MAP3K5: variants seen among roughly 807,000 people sequenced by gnomAD.
MAP3K5 encodes mitogen-activated protein kinase kinase kinase 5, also known as ASK-1.
Under a neutral mutation model 158.7 loss-of-function variants are expected in MAP3K5, and 56 were observed. That is an observed-to-expected ratio of 0.35 (90% CI 0.28 to 0.44). The LOEUF (loss-of-function observed/expected upper bound fraction) is 0.44, where lower values mean the gene tolerates loss of function less well. Among genes scored for constraint, MAP3K5 ranks in the 20% least tolerant of loss-of-function variants. The pLI is 1.00. For missense variants in MAP3K5, 1,294 were observed against 1,674.8 expected, an observed-to-expected ratio of 0.77 and a Z score of 3.97; for synonymous variants, 579 against 601.7, an observed-to-expected ratio of 0.96 and a Z score of 0.55.
intron 14 of MAP3K5, among the ~76,000 whole-genome samples, chr6:136,625,226 T>C (rs1021619497): frequency 2.6e-5 from 4 of 152,324 alleles, no homozygotes; most frequent in African/African-American, 4.8e-5. Flanking sequence ...AATTCTGCCA[T>C]TGTGATGTGA....
At chr6:136,623,867 C>A (rs1410986291) in intron 14 of MAP3K5, among the ~76,000 whole-genome samples, 1 of 152,270 alleles carries the variant, frequency 6.6e-6, no homozygotes, top group Middle Eastern at 3.4e-3. Flanking sequence ...GTTAGATTCA[C>A]CTCACAGCAG....
intron 1 of MAP3K5, among the ~76,000 whole-genome samples, chr6:136,748,485 G>A (rs886611528): frequency 6.6e-6 from 1 of 152,128 alleles, no homozygotes; most frequent in African/African-American, 2.4e-5. Context: ...ACACAAATAT[G>A]TATTTGTTCA....
At chr6:136,563,785 T>C (rs575553150) in intron 26 of MAP3K5, among the ~76,000 whole-genome samples, 94 of 152,342 alleles carry the variant, frequency 6.2e-4, no homozygotes, top group African/African-American at 2.1e-3. Flanking sequence ...TAAGTTGGAT[T>C]CAGAAATAAT....
intron 9 of MAP3K5, among the ~76,000 whole-genome samples, chr6:136,656,720 G>A (rs1220156661): frequency 2.6e-5 from 4 of 151,970 alleles, no homozygotes; most frequent in Admixed American, 2.6e-4. Context: ...CGCCTGCCGG[G>A]TTCATGCCAT....
intron 18 of MAP3K5, among the ~76,000 whole-genome samples, chr6:136,608,907 C>T (rs1182843448): frequency 2.0e-5 from 3 of 152,184 alleles, no homozygotes; most frequent in African/African-American, 7.2e-5. Context: ...CTGGGACTAA[C>T]CCACCTGGGA....
At chr6:136,746,803 C>T (rs1001872825) in intron 1 of MAP3K5, among the ~76,000 whole-genome samples, 1 of 152,188 alleles carries the variant, frequency 6.6e-6, no homozygotes, top group Non-Finnish European at 1.5e-5. Flanking sequence ...GTTTGAACAC[C>T]GTCTGTGCTC....
intron 1 of MAP3K5, among the ~76,000 whole-genome samples, chr6:136,784,609 G>A (rs1043768894): frequency 1.1e-4 from 17 of 152,152 alleles, no homozygotes; most frequent in East Asian, 1.9e-4. Context: ...ACTAAGGTTC[G>A]TTTCTCACGT....
intron 1 of MAP3K5, among the ~76,000 whole-genome samples, chr6:136,786,930 G>A (rs1784874917): frequency 6.6e-6 from 1 of 150,566 alleles, no homozygotes; most frequent in Non-Finnish European, 1.5e-5. Flanking sequence ...TCAACCTCCC[G>A]AGTAGCTGGG....
intron 25 of MAP3K5, among the ~76,000 whole-genome samples, chr6:136,568,425 G>C (rs1240182783): frequency 6.6e-6 from 1 of 152,196 alleles, no homozygotes; most frequent in Non-Finnish European, 1.5e-5. Context: ...ACTCACATTA[G>C]TAAGACTATC....
At chr6:136,627,620 C>G (rs1777102335) in intron 14 of MAP3K5, among the ~76,000 whole-genome samples, 1 of 152,034 alleles carries the variant, frequency 6.6e-6, no homozygotes, top group Non-Finnish European at 1.5e-5. Flanking sequence ...GGGATTAGTC[C>G]CCTTATGAAA....
chr6:136,592,775 C>G (rs773525009), intron 21 of MAP3K5, 161 bp from the exon 22 acceptor site: 9 of 732,838 alleles, frequency 1.2e-5, no homozygotes, highest in Non-Finnish European at 1.7e-5. Flanking sequence ...ATGACTGCCT[C>G]CCTTGCTCAG....
At chr6:136,623,502 G>A (rs569048197) in intron 14 of MAP3K5, among the ~76,000 whole-genome samples, 16 of 152,216 alleles carry the variant, frequency 1.1e-4, no homozygotes, top group African/African-American at 2.9e-4. Context: ...ACTCCCCACC[G>A]TTTCCCCAAG....
intron 1 of MAP3K5, among the ~76,000 whole-genome samples, chr6:136,743,076 A>C (rs1417250681): frequency 2.8e-5 from 4 of 143,972 alleles, no homozygotes; most frequent in Non-Finnish European, 6.1e-5. Context: ...GGTGACAGAG[A>C]CCTTGTCTCT....
chr6:136,749,601 T>C (rs979467590), intron 1 of MAP3K5, among the ~76,000 whole-genome samples: 2 of 151,028 alleles, frequency 1.3e-5, no homozygotes, highest in Non-Finnish European at 2.9e-5. Flanking sequence ...GGCTCAAACA[T>C]TGCCTCCTAC....
At chr6:136,588,235 C>T (rs915597179) in intron 23 of MAP3K5, among the ~76,000 whole-genome samples, 3 of 152,110 alleles carry the variant, frequency 2.0e-5, no homozygotes, top group African/African-American at 2.4e-5. Flanking sequence ...GGCCTACCAG[C>T]GAGGCAGAGC....
chr6:136,606,976 T>C (rs1006542645), intron 18 of MAP3K5, among the ~76,000 whole-genome samples: 7 of 152,236 alleles, frequency 4.6e-5, no homozygotes, highest in Non-Finnish European at 7.3e-5. Flanking sequence ...TATCACTGCA[T>C]AGCAGTAGTT....
chr6:136,759,482 A>ATATATATATATATATATAT (rs1420942856), intron 1 of MAP3K5, among the ~76,000 whole-genome samples: 222 of 141,874 alleles, frequency 1.6e-3, no homozygotes, highest in Non-Finnish European at 2.0e-3. Flanking sequence ...ATATATATAT[A>ATATATATATATATATATAT]AAGTTTGAGA....
intron 24 of MAP3K5, among the ~76,000 whole-genome samples, chr6:136,581,460 C>T (rs1774872543): frequency 6.6e-6 from 1 of 152,184 alleles, no homozygotes; most frequent in East Asian, 1.9e-4. Context: ...GAGGCTATTT[C>T]CCCAACAGGG....
At chr6:136,570,932 A>G (rs1774333727) in intron 25 of MAP3K5, among the ~76,000 whole-genome samples, 1 of 152,230 alleles carries the variant, frequency 6.6e-6, no homozygotes. Context: ...ATTGATCTCC[A>G]GTGAAACCTG....
Sources: gnomAD v4.1 joint callset for allele counts (sites outside exome capture counted in the v4.1 genomes callset) on GRCh38, gnomAD v4.1.1 for gene constraint, MANE v1.5 for transcripts, NCBI Gene and HGNC (gene_info 2026-07-23, HGNC 2026-07-21) for gene names.